RALGPS2: variants seen among roughly 807,000 people sequenced by gnomAD.
The protein encoded by RALGPS2 is ras-specific guanine nucleotide-releasing factor RalGPS2.
Under a neutral mutation model 86.8 loss-of-function variants are expected in RALGPS2, and 43 were observed. The ratio of observed to expected loss-of-function variants is 0.50; its 90% CI spans 0.39 to 0.64. The LOEUF (loss-of-function observed/expected upper bound fraction) is 0.64. Among genes scored for constraint, RALGPS2 ranks in the 30% least tolerant of loss-of-function variants. The pLI is 0.00. For missense variants in RALGPS2, 536 were observed against 694.6 expected (o/e 0.77, Z 2.57); for synonymous variants, 243 against 231.3 (o/e 1.05, Z -0.46).
Position 178,920,963 on chromosome 1 carries a change from TAAAGG to T in RALGPS2, c.*4609_*4613del, listed in dbSNP as rs1293000590. The T allele has an allele frequency of 1.3e-5, 2 of 152,034 alleles. No homozygotes were observed. Among genetic ancestry groups the T allele is most frequent in the African/African-American group, 2.4e-5 (1 of 41,424 alleles). 9.4% of individuals were successfully genotyped at this position (152,034 alleles called of 1,614,324 possible). ...GTAAAAATATCTCTAATATATAAGT[TAAAGG>T]AAAGTTAAGAGACTAAGCTAGTTTT... On this transcript the variant is annotated 3_prime_UTR_variant, in exon 20 of 20. Coordinates refer to ENST00000367635, the MANE Select transcript of RALGPS2 (RefSeq NM_152663.5).
chr1:178,843,680 C>T (rs1161696102), intron 8 of RALGPS2, among the ~76,000 whole-genome samples: 1 of 149,600 alleles, frequency 6.7e-6, no homozygotes, highest in East Asian at 2.0e-4. Flanking sequence ...AAGAAAGAAA[C>T]CAAAAAGGGA....
chr1:178,732,118 C>G (rs934459140), intron 1 of RALGPS2, among the ~76,000 whole-genome samples: 2 of 152,028 alleles, frequency 1.3e-5, no homozygotes, highest in African/African-American at 2.4e-5. Flanking sequence ...CCAAGCTCAT[C>G]ATCTGAGAGT....
At chr1:178,778,741 G>GT (rs1442932834) in intron 2 of RALGPS2, among the ~76,000 whole-genome samples, 1 of 148,242 alleles carries the variant, frequency 6.7e-6, no homozygotes, top group Non-Finnish European at 1.5e-5. Flanking sequence ...CATGTCCTTT[G>GT]TAGGGACATG....
chr1:178,764,011 T>C (rs1237599000), intron 1 of RALGPS2, among the ~76,000 whole-genome samples: 1 of 152,146 alleles, frequency 6.6e-6, no homozygotes, highest in Admixed American at 6.5e-5. Context: ...TTAGGTCTAT[T>C]TGATCAAGTG....
intron 17 of RALGPS2, among the ~76,000 whole-genome samples, chr1:178,899,601 C>T (rs1660080751): frequency 6.6e-6 from 1 of 150,926 alleles, no homozygotes; most frequent in African/African-American, 2.4e-5. Flanking sequence ...AAACATAGCA[C>T]CACCTGTATT....
chr1:178,727,257 T>G (rs534560555), intron 1 of RALGPS2, among the ~76,000 whole-genome samples: 1 of 152,244 alleles, frequency 6.6e-6, no homozygotes, highest in East Asian at 1.9e-4. Flanking sequence ...TTAAGATAGG[T>G]TCTCCTTATT....
intron 7 of RALGPS2, among the ~76,000 whole-genome samples, chr1:178,831,121 A>G (rs975278755): frequency 6.6e-6 from 1 of 152,188 alleles, no homozygotes; most frequent in African/African-American, 2.4e-5. Context: ...ATTTGAGGGG[A>G]ATGATAAACA....
At chr1:178,830,612 A>C (rs1408761506) in intron 7 of RALGPS2, among the ~76,000 whole-genome samples, 1 of 152,196 alleles carries the variant, frequency 6.6e-6, no homozygotes, top group East Asian at 1.9e-4. Flanking sequence ...TGAAATGAAA[A>C]ACTTCAGTTT....
chr1:178,850,347 T>A (rs530172264), intron 8 of RALGPS2: 1 of 152,754 alleles, frequency 6.5e-6, no homozygotes, highest in South Asian at 2.1e-4. Context: ...TATTCTGCAT[T>A]TTTGTAATAC....
At chr1:178,809,367 G>A (rs1654874703) in intron 5 of RALGPS2, among the ~76,000 whole-genome samples, 1 of 151,810 alleles carries the variant, frequency 6.6e-6, no homozygotes, top group South Asian at 2.1e-4. Flanking sequence ...TGTCTTTGAA[G>A]GAGCATTAAG....
chr1:178,852,746 A>C, intron 8 of RALGPS2: 2 of 1,613,906 alleles, frequency 1.2e-6, no homozygotes, highest in South Asian at 2.2e-5. Flanking sequence ...CACATCATAG[A>C]ATCCCCTGCA....
intron 6 of RALGPS2, among the ~76,000 whole-genome samples, chr1:178,814,831 C>T (rs1187785260): frequency 6.6e-6 from 1 of 152,162 alleles, no homozygotes; most frequent in Non-Finnish European, 1.5e-5. Flanking sequence ...ATGAAGATGC[C>T]TGTTGCTCCA....
At chr1:178,752,730 A>G (rs1651752213) in intron 1 of RALGPS2, among the ~76,000 whole-genome samples, 1 of 152,226 alleles carries the variant, frequency 6.6e-6, no homozygotes, top group Non-Finnish European at 1.5e-5. Context: ...TTAATGTTTT[A>G]TATGCCATAG....
At chr1:178,772,815 T>G (rs1474432071) in intron 1 of RALGPS2, among the ~76,000 whole-genome samples, 1 of 152,218 alleles carries the variant, frequency 6.6e-6, no homozygotes, top group Non-Finnish European at 1.5e-5. Context: ...TTTTTAAACA[T>G]TTTTTTGAGG....
intron 2 of RALGPS2, among the ~76,000 whole-genome samples, chr1:178,779,644 A>G (rs1653283008): frequency 1.3e-5 from 2 of 152,236 alleles, no homozygotes; most frequent in Non-Finnish European, 2.9e-5. Flanking sequence ...CCACAACCAT[A>G]AAGAAAATAG....
At chr1:178,768,416 A>G (rs1380277149) in intron 1 of RALGPS2, among the ~76,000 whole-genome samples, 1 of 152,020 alleles carries the variant, frequency 6.6e-6, no homozygotes, top group Non-Finnish European at 1.5e-5. Context: ...GGGTGTGACT[A>G]TAGAGAATGC....
At position 178,892,299 on chromosome 1, in the gene RALGPS2, G is replaced by A. The variant is rs1464332251; in HGVS notation, c.1317G>A (p.Lys439=). 3.7e-6 allele frequency: 6 copies of A among 1,612,400 alleles called. No individual in the cohort carries two copies. The highest frequency in any genetic ancestry group is 5.1e-6 in the Non-Finnish European group (6 of 1,178,914). ...GAAATGGCTATCGAAGTCACATGAA[G>A]GCCAGCAGGTACAATTCCCCTGCAT... The part of the protein sequence containing the change: ...VARNGYRSHM[K]ASSSAESEDL... The change falls in exon 15 of 20, where the codon AAG becomes AAA. Residue 439 remains lysine, a synonymous_variant. Transcript: ENST00000367635.
At chr1:178,899,084 G>T (rs1660059326) in intron 17 of RALGPS2, among the ~76,000 whole-genome samples, 1 of 151,710 alleles carries the variant, frequency 6.6e-6, no homozygotes, top group African/African-American at 2.4e-5. Context: ...AAAATAAAAT[G>T]GTTTTTTTGT....
At chr1:178,904,974 A>G (rs1480046676) in intron 18 of RALGPS2, among the ~76,000 whole-genome samples, 1 of 152,144 alleles carries the variant, frequency 6.6e-6, no homozygotes. Flanking sequence ...GATTCTACCC[A>G]TCCATGAGCA....
Sources: gnomAD v4.1 joint callset for allele counts (sites outside exome capture counted in the v4.1 genomes callset) on GRCh38, gnomAD v4.1.1 for gene constraint, MANE v1.5 for transcripts, NCBI Gene and HGNC (gene_info 2026-07-23, HGNC 2026-07-21) for gene names.